The following ADD3 variants were observed in gnomAD, a reference collection of about 807,000 sequenced individuals.
The protein encoded by ADD3 is adducin 3, also known as gamma-adducin.
Under a neutral mutation model 80.2 loss-of-function variants are expected in ADD3, and 25 were observed. The observed-to-expected ratio is 0.31, with a 90% CI of 0.23 to 0.44. The LOEUF is 0.44. Ranked by LOEUF, ADD3 falls within the 20% of genes least tolerant of loss-of-function variation. The pLI, the probability that ADD3 is intolerant of heterozygous loss-of-function variation, is 1.00. For missense variants in ADD3, 829 were observed against 847.5 expected (o/e 0.98, Z 0.27); for synonymous variants, 284 against 289.6 (o/e 0.98, Z 0.20).
At chr10:110,008,873 G>A (rs1039018983) in intron 1 of ADD3, among the ~76,000 whole-genome samples, 19 of 152,082 alleles carry the variant, frequency 1.2e-4, no homozygotes, top group African/African-American at 4.6e-4. Flanking sequence ...CAAACACACC[G>A]CCCCTACAAA....
chr10:110,097,848 C>A (rs571711923), intron 1 of ADD3, among the ~76,000 whole-genome samples: 1 of 148,522 alleles, frequency 6.7e-6, no homozygotes, highest in African/African-American at 2.5e-5. Flanking sequence ...GATCTCGGCT[C>A]ACTGCAAGCT....
chr10:110,096,103 GA>G (rs1399794880), intron 1 of ADD3, among the ~76,000 whole-genome samples: 1 of 152,062 alleles, frequency 6.6e-6, no homozygotes, highest in Non-Finnish European at 1.5e-5. Context: ...AGAAACTGGG[GA>G]AAAGGGCATA....
intron 1 of ADD3, among the ~76,000 whole-genome samples, chr10:110,023,672 T>C (rs1211999046): frequency 6.6e-6 from 1 of 152,214 alleles, no homozygotes; most frequent in Non-Finnish European, 1.5e-5. Context: ...ATATTTTTCT[T>C]CCCAAACATA....
chr10:110,077,291 C>CT (rs200650698), intron 1 of ADD3, among the ~76,000 whole-genome samples: 1,601 of 151,592 alleles, frequency 0.011, 31 homozygotes, highest in African/African-American at 0.038. Context: ...GTTCACTTGT[C>CT]TGCTTTTTTT....
chr10:110,051,425 A>G (rs1166076321), intron 1 of ADD3, among the ~76,000 whole-genome samples: 3 of 152,240 alleles, frequency 2.0e-5, no homozygotes, highest in Non-Finnish European at 4.4e-5. Flanking sequence ...AGTTAAACAT[A>G]ATACAAAATT....
At chr10:110,116,154 A>G (rs1445954009) in intron 3 of ADD3, 105 bp from the exon 4 acceptor site, 1 of 1,051,190 alleles carries the variant, frequency 9.5e-7, no homozygotes, top group African/African-American at 1.6e-5. Context: ...AGATTATTAT[A>G]TACAAGGCTG....
chr10:110,069,379 G>C (rs1167175767), intron 1 of ADD3, among the ~76,000 whole-genome samples: 1 of 152,160 alleles, frequency 6.6e-6, no homozygotes, highest in African/African-American at 2.4e-5. Flanking sequence ...GAGTGACCCA[G>C]TCTCAGCAAT....
At chr10:110,029,694 C>G (rs1854759093) in intron 1 of ADD3, among the ~76,000 whole-genome samples, 3 of 152,158 alleles carry the variant, frequency 2.0e-5, no homozygotes, top group Non-Finnish European at 4.4e-5. Flanking sequence ...CCAGTAGCAT[C>G]TGGTTGCACT....
At chr10:110,129,220 G>C (rs1427275805) in intron 12 of ADD3, among the ~76,000 whole-genome samples, 2 of 150,080 alleles carry the variant, frequency 1.3e-5, no homozygotes, top group Non-Finnish European at 3.0e-5. Context: ...CGTGACCTCA[G>C]CTCACGGCAA....
intron 2 of ADD3, among the ~76,000 whole-genome samples, chr10:110,106,914 C>T (rs189105022): frequency 6.6e-6 from 1 of 152,116 alleles, no homozygotes; most frequent in East Asian, 1.9e-4. Context: ...ATGGGTAGGC[C>T]TAATTAGACA....
intron 1 of ADD3, among the ~76,000 whole-genome samples, chr10:110,032,851 G>A (rs1855207901): frequency 3.3e-5 from 5 of 152,226 alleles, no homozygotes; most frequent in Admixed American, 3.3e-4. Flanking sequence ...TTCATCTAAA[G>A]TATTGCCTAC....
intron 1 of ADD3, among the ~76,000 whole-genome samples, chr10:110,098,573 A>G (rs1289797916): frequency 6.6e-6 from 1 of 152,192 alleles, no homozygotes; most frequent in Non-Finnish European, 1.5e-5. Flanking sequence ...GTGACTGGCT[A>G]AAGTTCTTTT....
At chr10:110,040,929 G>A (rs922853795) in intron 1 of ADD3, among the ~76,000 whole-genome samples, 21 of 133,826 alleles carry the variant, frequency 1.6e-4, no homozygotes, top group African/African-American at 5.1e-4. Context: ...TCTCTCTCTC[G>A]CTCTCTCTCT....
chr10:110,012,804 G>A (rs1468834767), intron 1 of ADD3, among the ~76,000 whole-genome samples: 1 of 148,532 alleles, frequency 6.7e-6, no homozygotes, highest in South Asian at 2.1e-4. Context: ...TCACTATGTT[G>A]CCCAGGCTGG....
intron 6 of ADD3, 129 bp from the exon 7 acceptor site, chr10:110,119,082 G>T (rs1336444955): frequency 6.3e-6 from 6 of 959,226 alleles, no homozygotes; most frequent in Middle Eastern, 3.2e-4. Flanking sequence ...AATAAAGTGG[G>T]AAGTGGGCTG....
chr10:110,048,839 G>A (rs1009930979), intron 1 of ADD3, among the ~76,000 whole-genome samples: 1 of 152,234 alleles, frequency 6.6e-6, no homozygotes, highest in Non-Finnish European at 1.5e-5. Context: ...TTCTCCAGGA[G>A]AAATTCAAGC....
intron 12 of ADD3, among the ~76,000 whole-genome samples, chr10:110,128,331 T>C (rs1852455556): frequency 6.6e-6 from 1 of 151,952 alleles, no homozygotes; most frequent in African/African-American, 2.4e-5. Flanking sequence ...TTGCCATCTC[T>C]TTATCTTTGT....
At chr10:110,024,650 A>G (rs1009259979) in intron 1 of ADD3, among the ~76,000 whole-genome samples, 28 of 152,354 alleles carry the variant, frequency 1.8e-4, no homozygotes, top group African/African-American at 6.3e-4. Flanking sequence ...CATGCTTAAA[A>G]TTTTTAAGTG....
At chr10:110,026,025 A>G (rs1238795409) in intron 1 of ADD3, among the ~76,000 whole-genome samples, 2 of 152,218 alleles carry the variant, frequency 1.3e-5, no homozygotes, top group Admixed American at 6.5e-5. Context: ...TAGAAGCCAC[A>G]CTGATATTAT....
Sources: gnomAD v4.1 joint callset for allele counts (sites outside exome capture counted in the v4.1 genomes callset) on GRCh38, gnomAD v4.1.1 for gene constraint, MANE v1.5 for transcripts, NCBI Gene and HGNC (gene_info 2026-07-23, HGNC 2026-07-21) for gene names.